Variants in YWHAQ observed in about 807,000 individuals in gnomAD.
YWHAQ encodes 14-3-3 protein theta.
A neutral mutation model predicts 28.3 loss-of-function variants in YWHAQ; 6 were observed. That is an observed-to-expected ratio of 0.21 (90% CI 0.12 to 0.42). The LOEUF is 0.42. YWHAQ is among the 10% of genes least tolerant of loss of function. YWHAQ has a pLI of 1.00. For synonymous variants in YWHAQ, 143 were observed against 119.1 expected, an observed-to-expected ratio of 1.20 and a Z score of -1.31; for missense variants, 201 against 305.6, an observed-to-expected ratio of 0.66 and a Z score of 2.55.
intron 2 of YWHAQ, among the ~76,000 whole-genome samples, chr2:9,607,546 C>T (rs912542339): frequency 6.6e-6 from 1 of 151,892 alleles, no homozygotes; most frequent in Non-Finnish European, 1.5e-5. Flanking sequence ...AGTACCAACA[C>T]TTCTGACCGA....
intron 2 of YWHAQ, among the ~76,000 whole-genome samples, chr2:9,607,207 C>CT (rs61190266): frequency 0.19 from 24,155 of 128,998 alleles, 2,872 homozygotes; most frequent in African/African-American, 0.37. Flanking sequence ...TTTTTTTTTT[C>CT]TTTTTTTTTT....
At chr2:9,588,708 T>G (rs1399801986) in intron 3 of YWHAQ, among the ~76,000 whole-genome samples, 1 of 152,062 alleles carries the variant, frequency 6.6e-6, no homozygotes, top group Non-Finnish European at 1.5e-5. Flanking sequence ...GAGGCTGAGG[T>G]TGCAGTGAGC....
rs867817821 is a variant in YWHAQ, at chr2:9,591,282, A to G, written c.418+110T>C. On this transcript the variant is annotated intron_variant, in intron 3 of 5. Coordinates refer to ENST00000238081, the MANE Select transcript of YWHAQ (RefSeq NM_006826.4). ...TACTAATTTTCTTGACATACATTCAATTATTAAGTCACAAAGAGCCTGAAG... is the reference window on the plus strand; with the variant it reads ...TACTAATTTTCTTGACATACATTCAGTTATTAAGTCACAAAGAGCCTGAAG... 1.5e-5 allele frequency: 20 copies of G among 1,301,292 alleles called. 1 individual carries two copies. In the Middle Eastern group the frequency reaches 3.8e-3, roughly 247 times the overall value. The allele number at this position is 1,301,292 out of a possible 1,614,324, so 80.6% of individuals were successfully genotyped here. A position where few individuals can be genotyped will look rare whatever the true frequency, so the allele number is the denominator to read the frequency against.
At chr2:9,610,906 C>T (rs1666934330) in intron 2 of YWHAQ, among the ~76,000 whole-genome samples, 2 of 152,192 alleles carry the variant, frequency 1.3e-5, no homozygotes, top group Admixed American at 1.3e-4. Flanking sequence ...TACTCAGTAG[C>T]CCTAGGCAGA....
rs1667346588 is a variant in YWHAQ, at chr2:9,630,474, G to GGGGCCC, written c.-23_-22insGGGCCC. The stretch of plus-strand genomic sequence containing the variant: ...CCATGGCGGGCGCGGGGCCGGGGCC[G>GGGGCCC]GGGCGGAGGGCGAGGAGAGCGAGGG... On this transcript the variant is annotated 5_prime_UTR_variant, in exon 2 of 6. Transcript: ENST00000238081. The surrounding 1 kb of genome is among the most constrained non-coding windows in gnomAD (Gnocchi z 5.6). 1.3e-6 allele frequency: 2 copies of GGGGCCC among 1,572,594 alleles called. No individual in the cohort carries two copies. The highest frequency in any genetic ancestry group is 1.7e-6 in the Non-Finnish European group (2 of 1,163,096).
chr2:9,590,332 GTA>G (rs1383985911), intron 3 of YWHAQ, among the ~76,000 whole-genome samples: 1 of 152,204 alleles, frequency 6.6e-6, no homozygotes, highest in Non-Finnish European at 1.5e-5. Context: ...AGTAAGTTTA[GTA>G]TATAGATTTT....
At chr2:9,592,736 C>T (rs1482478857) in intron 2 of YWHAQ, among the ~76,000 whole-genome samples, 1 of 151,750 alleles carries the variant, frequency 6.6e-6, no homozygotes, top group East Asian at 1.9e-4. Flanking sequence ...AAAACAAAAA[C>T]AAAAACAAAA....
chr2:9,619,546 T>A (rs1172323044), intron 2 of YWHAQ, among the ~76,000 whole-genome samples: 2 of 150,966 alleles, frequency 1.3e-5, no homozygotes, highest in Non-Finnish European at 2.9e-5. Context: ...AGACCTTGTC[T>A]CACCAAAAAA....
At chr2:9,602,048 A>G (rs1198859116) in intron 2 of YWHAQ, among the ~76,000 whole-genome samples, 7 of 152,228 alleles carry the variant, frequency 4.6e-5, no homozygotes, top group Non-Finnish European at 1.5e-5. Flanking sequence ...AATGCCAAAA[A>G]ATAAAGCAAC....
chr2:9,602,829 TAAAAAAAAAAAAAAAA>T (rs869073430), intron 2 of YWHAQ, among the ~76,000 whole-genome samples: 207 of 36,998 alleles, frequency 5.6e-3, no homozygotes, highest in Middle Eastern at 0.015. Context: ...ATGCCTAATT[TAAAAAAAAAAAAAAAA>T]AAAAAAAAAA....
chr2:9,594,226 C>T (rs1666522663), intron 2 of YWHAQ, among the ~76,000 whole-genome samples: 2 of 152,088 alleles, frequency 1.3e-5, no homozygotes, highest in African/African-American at 4.8e-5. Flanking sequence ...ATCAGTTTTT[C>T]AGAATTTATT....
At chr2:9,629,810 G>A (rs931594796) in intron 2 of YWHAQ, among the ~76,000 whole-genome samples, 1 of 152,152 alleles carries the variant, frequency 6.6e-6, no homozygotes, top group Non-Finnish European at 1.5e-5. Flanking sequence ...CTTGTGAACC[G>A]ACTGAATACA....
At chr2:9,599,300 G>A (rs11887863) in intron 2 of YWHAQ, among the ~76,000 whole-genome samples, 1 of 151,982 alleles carries the variant, frequency 6.6e-6, no homozygotes, top group Non-Finnish European at 1.5e-5. Context: ...GTACAAGTGC[G>A]AATGTAGAGC....
intron 2 of YWHAQ, among the ~76,000 whole-genome samples, chr2:9,595,626 C>T (rs1461719444): frequency 6.6e-6 from 1 of 150,672 alleles, no homozygotes; most frequent in African/African-American, 2.5e-5. Flanking sequence ...ACTGCTTGAA[C>T]CCAGGAGGCA....
At chr2:9,623,823 A>G (rs1471159022) in intron 2 of YWHAQ, among the ~76,000 whole-genome samples, 1 of 152,088 alleles carries the variant, frequency 6.6e-6, no homozygotes, top group Non-Finnish European at 1.5e-5. Flanking sequence ...AGTCTGAACC[A>G]CATATGCCAA....
chr2:9,627,230 A>AG (rs1667264850), intron 2 of YWHAQ, among the ~76,000 whole-genome samples: 1 of 152,226 alleles, frequency 6.6e-6, no homozygotes, highest in Non-Finnish European at 1.5e-5. Flanking sequence ...TACTCTATGA[A>AG]AGGGAGGAGG....
At chr2:9,607,641 G>C (rs1033379302) in intron 2 of YWHAQ, among the ~76,000 whole-genome samples, 3 of 151,456 alleles carry the variant, frequency 2.0e-5, no homozygotes, top group African/African-American at 7.3e-5. Flanking sequence ...ATGCAAGTCT[G>C]AATTTGTGTT....
At chr2:9,586,951 A>G (rs1167716196) in intron 5 of YWHAQ, among the ~76,000 whole-genome samples, 1 of 152,218 alleles carries the variant, frequency 6.6e-6, no homozygotes, top group Non-Finnish European at 1.5e-5. Flanking sequence ...TTTGCCTAGA[A>G]GCAGAGAAGG....
intron 2 of YWHAQ, among the ~76,000 whole-genome samples, chr2:9,596,605 T>C (rs1184999550): frequency 6.6e-6 from 1 of 152,184 alleles, no homozygotes; most frequent in African/African-American, 2.4e-5. Flanking sequence ...AGGATACACA[T>C]ATCAGTCATT....
Sources: allele counts gnomAD v4.1 joint callset (sites outside exome capture counted in the v4.1 genomes callset), GRCh38; gene constraint gnomAD v4.1.1; non-coding constraint Gnocchi (gnomAD v3.1); transcripts MANE v1.5; gene names NCBI Gene and HGNC (gene_info 2026-07-23, HGNC 2026-07-21).